CNOT10: variants seen among roughly 807,000 people sequenced by gnomAD.
The protein encoded by CNOT10 is CCR4-NOT transcription complex subunit 10.
CNOT10 carries 30 observed loss-of-function variants against 94.6 expected under a neutral mutation model. The observed-to-expected ratio is 0.32, with a 90% CI of 0.24 to 0.43. The LOEUF is 0.43. Ranked by LOEUF, CNOT10 falls within the 20% of genes least tolerant of loss-of-function variation. CNOT10 has a pLI of 1.00. For missense variants in CNOT10, 759 were observed against 877.2 expected (o/e 0.87, Z 1.70); for synonymous variants, 289 against 301.6 (o/e 0.96, Z 0.43).
At chr3:32,690,793 C>T (rs900212257) in intron 1 of CNOT10, among the ~76,000 whole-genome samples, 7 of 152,024 alleles carry the variant, frequency 4.6e-5, no homozygotes, top group South Asian at 2.1e-4. Context: ...ATGATCCGCC[C>T]GCCTCGGCCT....
intron 13 of CNOT10, chr3:32,752,802 C>A (rs1700020513): frequency 4.7e-6 from 1 of 214,362 alleles, no homozygotes; most frequent in African/African-American, 2.4e-5. Flanking sequence ...ATGGAGAAAC[C>A]CCTTCTCTAC....
chr3:32,703,078 A>ATT (rs67920905), intron 1 of CNOT10, among the ~76,000 whole-genome samples: 4,830 of 124,110 alleles, frequency 0.039, 157 homozygotes, highest in Admixed American at 0.082. Context: ...CGCCAAGCTA[A>ATT]TTTTTTTTTT....
chr3:32,715,061 G>T (rs1026337139), intron 5 of CNOT10, among the ~76,000 whole-genome samples: 2 of 152,166 alleles, frequency 1.3e-5, no homozygotes, highest in Non-Finnish European at 2.9e-5. Flanking sequence ...TTCAGTACTT[G>T]TAAAATTTGA....
chr3:32,705,523 G>A (rs1400838298), intron 3 of CNOT10, among the ~76,000 whole-genome samples: 1 of 152,028 alleles, frequency 6.6e-6, no homozygotes, highest in African/African-American at 2.4e-5. Context: ...TGTGTGACAG[G>A]GCTCTGCCAA....
Position 32,773,561 on chromosome 3 carries a change from C to A in CNOT10, c.2185C>A (p.Pro729Thr). 1 of 1,614,120 alleles carries A rather than the reference C, an allele frequency of 6.2e-7. No homozygotes were observed. Among genetic ancestry groups the A allele is most frequent in the Non-Finnish European group, 8.5e-7 (1 of 1,180,010 alleles). ...RKKPVFQPVH[P>T]IQPIQMPAFT... is the part of the protein sequence containing the mutation. ...GAAGCCAGTGTTTCAGCCTGTCCAC[C>A]CGATCCAGCCCATCCAAATGCCGGC... is the stretch of plus-strand genomic sequence containing the variant. Residue 729 changes from proline to threonine, a missense_variant, in exon 19 of 19, where the codon CCG (proline) becomes ACG (threonine). By Grantham distance (38) the Pro-to-Thr change is conservative. Coordinates refer to ENST00000328834, the MANE Select transcript of CNOT10 (RefSeq NM_015442.3).
At chr3:32,762,363 A>G (rs1326808751) in intron 14 of CNOT10, among the ~76,000 whole-genome samples, 2 of 151,676 alleles carry the variant, frequency 1.3e-5, no homozygotes, top group Admixed American at 1.3e-4. Context: ...TCAGTCTCCC[A>G]TGCTTAAGTG....
At chr3:32,735,399 G>C (rs1699143972) in intron 12 of CNOT10, among the ~76,000 whole-genome samples, 1 of 151,958 alleles carries the variant, frequency 6.6e-6, no homozygotes, top group Admixed American at 6.6e-5. Flanking sequence ...AAGAAGTCCT[G>C]TTGTCAGACA....
intron 17 of CNOT10, chr3:32,769,020 A>G (rs1700782215): frequency 6.6e-6 from 1 of 152,200 alleles, no homozygotes. Context: ...TCTCCCTGGC[A>G]TTTACGTAAC....
At chr3:32,722,658 A>G (rs1288328170) in intron 8 of CNOT10, among the ~76,000 whole-genome samples, 1 of 151,860 alleles carries the variant, frequency 6.6e-6, no homozygotes, top group Admixed American at 6.6e-5. Context: ...GGGCAACAGA[A>G]CAAGGCCTTG....
chr3:32,691,415 C>G (rs1696843508), intron 1 of CNOT10, among the ~76,000 whole-genome samples: 1 of 152,044 alleles, frequency 6.6e-6, no homozygotes, highest in Non-Finnish European at 1.5e-5. Context: ...CCCACCTCGA[C>G]CTCCCAAAGT....
At chr3:32,718,784 A>G (rs1698242058) in intron 7 of CNOT10, among the ~76,000 whole-genome samples, 1 of 152,030 alleles carries the variant, frequency 6.6e-6, no homozygotes, top group South Asian at 2.1e-4. Context: ...AGCAAAGGAT[A>G]AACTAGGATT....
At chr3:32,715,009 C>T (rs1208730908) in intron 5 of CNOT10, among the ~76,000 whole-genome samples, 2 of 152,084 alleles carry the variant, frequency 1.3e-5, no homozygotes, top group African/African-American at 4.8e-5. Flanking sequence ...AGTTGAATAA[C>T]CTTAGCATTA....
intron 10 of CNOT10, among the ~76,000 whole-genome samples, chr3:32,728,899 G>A (rs1011876038): frequency 8.5e-5 from 13 of 152,118 alleles, no homozygotes; most frequent in African/African-American, 2.9e-4. Context: ...AGGAGATCGA[G>A]ACCATCCTGG....
At chr3:32,712,034 C>G (rs1387951477) in intron 4 of CNOT10, among the ~76,000 whole-genome samples, 1 of 127,362 alleles carries the variant, frequency 7.9e-6, no homozygotes, top group South Asian at 2.6e-4. Flanking sequence ...TTATGTCACA[C>G]CAGGTTAACT....
chr3:32,722,513 T>C (rs2125554294), intron 8 of CNOT10, among the ~76,000 whole-genome samples: 1 of 152,342 alleles, frequency 6.6e-6, no homozygotes, highest in Middle Eastern at 3.4e-3. Context: ...ATTGACATTG[T>C]CAATCTTTAA....
chr3:32,696,573 T>C lies in CNOT10; in HGVS notation c.23-7295T>C, dbSNP rs541187299. Among the ~76,000 whole-genome samples, 4 of 152,320 alleles carry C rather than the reference T, an allele frequency of 2.6e-5. No individual in the cohort carries two copies. The South Asian group carries it at 8.3e-4, about 32-fold the overall frequency. ...GGAATTTCAGAGGCTCTTGTCAGCCTTAGAGTCCAGCTTATCTATTTATTT... is the reference window on the plus strand; with the variant it reads ...GGAATTTCAGAGGCTCTTGTCAGCCCTAGAGTCCAGCTTATCTATTTATTT... On this transcript the variant is annotated intron_variant, in intron 1 of 18. Coordinates refer to ENST00000328834, the MANE Select transcript of CNOT10 (RefSeq NM_015442.3).
chr3:32,748,404 C>A (rs1486754228), intron 13 of CNOT10, among the ~76,000 whole-genome samples: 4 of 152,046 alleles, frequency 2.6e-5, no homozygotes, highest in Non-Finnish European at 5.9e-5. Context: ...TGGCTATATT[C>A]TTTGATTTAG....
Position 32,703,982 on chromosome 3 carries a change from A to C in CNOT10, c.117+20A>C, listed in dbSNP as rs757387739. 19 of 1,471,316 alleles carry C rather than the reference A, an allele frequency of 1.3e-5. No individual in the cohort carries two copies. Among genetic ancestry groups the C allele is most frequent in the Non-Finnish European group, 1.5e-5 (16 of 1,051,840 alleles). The allele number at this position is 1,471,316 out of a possible 1,614,324, so 91.1% of individuals were successfully genotyped here. ...TTCACAGTAAGAAATGGCTTCTCTT[A>C]GTCTGCTCAAGTTGTAGGGTTCTGT... On this transcript the variant is annotated intron_variant, in intron 2 of 18. Transcript: ENST00000328834.
chr3:32,720,427 C>T (rs192107801), intron 8 of CNOT10, among the ~76,000 whole-genome samples, 196 bp downstream of exon 8: 1 of 152,224 alleles, frequency 6.6e-6, no homozygotes, highest in East Asian at 1.9e-4. Flanking sequence ...TTCTTGCTTT[C>T]ACTTTGCTTT....
Sources: allele counts gnomAD v4.1 joint callset (sites outside exome capture counted in the v4.1 genomes callset), GRCh38; gene constraint gnomAD v4.1.1; transcripts MANE v1.5; gene names NCBI Gene and HGNC (gene_info 2026-07-23, HGNC 2026-07-21).